The following SNTG1 variants were observed in gnomAD, a reference collection of about 807,000 sequenced individuals.
SNTG1 encodes gamma-1-syntrophin.
A neutral mutation model predicts 74.7 loss-of-function variants in SNTG1; 39 were observed. The observed-to-expected ratio is 0.52, with a 90% CI of 0.40 to 0.68. The LOEUF (loss-of-function observed/expected upper bound fraction) is 0.68. Among genes scored for constraint, SNTG1 ranks in the 30% least tolerant of loss-of-function variants. SNTG1 has a pLI of 0.00. For missense variants in SNTG1, 685 were observed against 609.5 expected (o/e 1.12, Z -1.30); for synonymous variants, 254 against 217.1 (o/e 1.17, Z -1.49).
chr8:50,083,645 A>C (rs1416758062), intron 1 of SNTG1, among the ~76,000 whole-genome samples: 1 of 152,216 alleles, frequency 6.6e-6, no homozygotes, highest in Non-Finnish European at 1.5e-5. Flanking sequence ...CATATAAGCT[A>C]TAAGATAATG....
chr8:49,961,347 C>A (rs963368626), intron 1 of SNTG1, among the ~76,000 whole-genome samples: 8 of 152,098 alleles, frequency 5.3e-5, no homozygotes, highest in Non-Finnish European at 1.2e-4. Flanking sequence ...CAGCCATAGG[C>A]CCAGAATCCA....
chr8:50,293,026 G>A (rs1263407765), intron 2 of SNTG1, among the ~76,000 whole-genome samples: 1 of 152,098 alleles, frequency 6.6e-6, no homozygotes, highest in African/African-American at 2.4e-5. Flanking sequence ...TTCATCACAG[G>A]ACCCCTCAGG....
chr8:50,013,118 A>G (rs1815971278), intron 1 of SNTG1, among the ~76,000 whole-genome samples: 1 of 152,158 alleles, frequency 6.6e-6, no homozygotes, highest in South Asian at 2.1e-4. Flanking sequence ...CAGGCACTTT[A>G]TTCAATAAAT....
chr8:50,695,520 C>T (rs1390706255), intron 15 of SNTG1, among the ~76,000 whole-genome samples: 2 of 150,994 alleles, frequency 1.3e-5, no homozygotes, highest in South Asian at 2.1e-4. Context: ...TTAGGAAGTA[C>T]CAGTGTATAT....
At chr8:50,408,843 G>A (rs969594745) in intron 4 of SNTG1, among the ~76,000 whole-genome samples, 1 of 152,140 alleles carries the variant, frequency 6.6e-6, no homozygotes, top group African/African-American at 2.4e-5. Context: ...AGTATGTAAG[G>A]GCAGCCTCTG....
intron 2 of SNTG1, among the ~76,000 whole-genome samples, chr8:50,175,100 T>A (rs2131675100): frequency 6.6e-6 from 1 of 152,248 alleles, no homozygotes; most frequent in South Asian, 2.1e-4. Context: ...ATTTTCTTAA[T>A]CCAGTCTATC....
intron 9 of SNTG1, among the ~76,000 whole-genome samples, chr8:50,514,398 C>G (rs1319623620): frequency 6.6e-6 from 1 of 152,112 alleles, no homozygotes; most frequent in African/African-American, 2.4e-5. Flanking sequence ...TTTGCTGCAT[C>G]CCATGAATTT....
chr8:50,483,240 T>C (rs777383964), intron 8 of SNTG1, among the ~76,000 whole-genome samples: 1 of 152,216 alleles, frequency 6.6e-6, no homozygotes, highest in Admixed American at 6.5e-5. Context: ...TCTGACATTT[T>C]TGTGCATAGC....
chr8:50,238,353 C>T (rs1209186949), intron 2 of SNTG1, among the ~76,000 whole-genome samples: 1 of 152,114 alleles, frequency 6.6e-6, no homozygotes, highest in Non-Finnish European at 1.5e-5. Flanking sequence ...CAACAGCCAT[C>T]TCATCTTTGT....
chr8:50,746,689 C>G (rs1417818972), intron 17 of SNTG1, among the ~76,000 whole-genome samples: 6 of 151,518 alleles, frequency 4.0e-5, no homozygotes, highest in Admixed American at 3.9e-4. Flanking sequence ...AGTTTATTAA[C>G]TGTGACAAGA....
chr8:49,979,805 G>A (rs904437543), intron 1 of SNTG1, among the ~76,000 whole-genome samples: 2 of 152,184 alleles, frequency 1.3e-5, no homozygotes, highest in Non-Finnish European at 2.9e-5. Flanking sequence ...AGTCGCTTGT[G>A]TGTCCGCTGT....
At chr8:50,074,855 G>T (rs543559385) in intron 1 of SNTG1, among the ~76,000 whole-genome samples, 2 of 152,268 alleles carry the variant, frequency 1.3e-5, no homozygotes, top group African/African-American at 4.8e-5. Flanking sequence ...GAGGGAGTGG[G>T]GAAGGACAGG....
At position 49,927,000 on chromosome 8, in the gene SNTG1, C is replaced by A. The variant is rs954178958; in HGVS notation, c.-103+14769C>A. ...TAAGCATATGAAAAGATGCTCAACA[C>A]CTTATGTCATTAATAAATTGCAAAT... On this transcript the variant is annotated intron_variant, in intron 1 of 18. Transcript: ENST00000642720. Among the ~76,000 whole-genome samples, 3 of 152,062 alleles carry A rather than the reference C, an allele frequency of 2.0e-5. No individual in the cohort carries two copies. In the East Asian group the frequency reaches 5.8e-4, roughly 29 times the overall value.
chr8:50,674,666 C>T (rs1425625653), intron 15 of SNTG1, among the ~76,000 whole-genome samples: 1 of 152,038 alleles, frequency 6.6e-6, no homozygotes, highest in Non-Finnish European at 1.5e-5. Context: ...CTATCTCCTT[C>T]AATTCTGCTC....
At chr8:50,152,623 A>C (rs1769208822) in intron 1 of SNTG1, among the ~76,000 whole-genome samples, 1 of 152,134 alleles carries the variant, frequency 6.6e-6, no homozygotes, top group African/African-American at 2.4e-5. Context: ...ATCTCTCAGC[A>C]TTTGCTTGTC....
intron 4 of SNTG1, among the ~76,000 whole-genome samples, chr8:50,429,638 G>A (rs916934291): frequency 1.9e-4 from 29 of 152,092 alleles, no homozygotes; most frequent in Middle Eastern, 3.4e-3. Context: ...CAGATAAATG[G>A]CACATCATAA....
intron 2 of SNTG1, among the ~76,000 whole-genome samples, chr8:50,229,942 C>T (rs1371266438): frequency 1.3e-5 from 2 of 151,506 alleles, no homozygotes; most frequent in Admixed American, 1.3e-4. Flanking sequence ...GTGGGACATC[C>T]TCCAATATTT....
intron 17 of SNTG1, among the ~76,000 whole-genome samples, chr8:50,710,893 C>T (rs186248821): frequency 6.6e-6 from 1 of 152,294 alleles, no homozygotes; most frequent in Admixed American, 6.5e-5. Flanking sequence ...ATAGTAGTCA[C>T]TGTTCTATTT....
chr8:49,929,307 G>C (rs1047506947), intron 1 of SNTG1, among the ~76,000 whole-genome samples: 2 of 152,176 alleles, frequency 1.3e-5, no homozygotes, highest in African/African-American at 4.8e-5. Flanking sequence ...ATAAAGGCCA[G>C]TGACTCATCT....
Sources: allele counts gnomAD v4.1 joint callset (sites outside exome capture counted in the v4.1 genomes callset), GRCh38; gene constraint gnomAD v4.1.1; transcripts MANE v1.5; gene names NCBI Gene and HGNC (gene_info 2026-07-23, HGNC 2026-07-21).